DNAJC1: variants seen among roughly 807,000 people sequenced by gnomAD.
DNAJC1 encodes DnaJ heat shock protein family (Hsp40) member C1, also known as dnaJ homolog subfamily C member 1.
Under a neutral mutation model 76.6 loss-of-function variants are expected in DNAJC1, and 58 were observed. That is an observed-to-expected ratio of 0.76 (90% CI 0.61 to 0.94). The LOEUF is 0.94. DNAJC1 is among the 40% of genes least tolerant of loss of function. DNAJC1 has a pLI of 0.00. For synonymous variants in DNAJC1, 258 were observed against 267.9 expected, an observed-to-expected ratio of 0.96 and a Z score of 0.36; for missense variants, 689 against 677.3, an observed-to-expected ratio of 1.02 and a Z score of -0.19.
At chr10:21,765,959 C>T (rs1394506533) in intron 10 of DNAJC1, among the ~76,000 whole-genome samples, 1 of 152,212 alleles carries the variant, frequency 6.6e-6, no homozygotes, top group Non-Finnish European at 1.5e-5. Flanking sequence ...GTGCACATAG[C>T]ATTTGCGTGG....
chr10:21,943,418 G>C (rs1016986071), intron 1 of DNAJC1, among the ~76,000 whole-genome samples: 3 of 152,104 alleles, frequency 2.0e-5, no homozygotes, highest in African/African-American at 4.8e-5. Flanking sequence ...TTCTTATCTG[G>C]AAAATGGTCA....
chr10:21,806,324 C>T (rs1212401217), intron 8 of DNAJC1, among the ~76,000 whole-genome samples: 3 of 152,080 alleles, frequency 2.0e-5, no homozygotes, highest in South Asian at 2.1e-4. Context: ...TCATTTCCTA[C>T]GTATACTAAC....
At chr10:21,819,171 A>C (rs752440781) in intron 8 of DNAJC1, among the ~76,000 whole-genome samples, 3 of 152,190 alleles carry the variant, frequency 2.0e-5, no homozygotes, top group Non-Finnish European at 2.9e-5. Flanking sequence ...TGGGAGGCCA[A>C]GGCAGGTGAT....
intron 8 of DNAJC1, among the ~76,000 whole-genome samples, chr10:21,820,734 G>T (rs560122610): frequency 3.9e-5 from 6 of 152,224 alleles, no homozygotes; most frequent in South Asian, 2.1e-4. Flanking sequence ...TCAAGTTGGG[G>T]TTCCCATGAC....
In DNAJC1 at chr10:21,902,496, G is replaced by A. The variant is rs147367667; in HGVS notation, c.820+2026C>T. On this transcript the variant is annotated intron_variant, in intron 7 of 11. Coordinates refer to ENST00000376980, the MANE Select transcript of DNAJC1 (RefSeq NM_022365.4). ...ATTTTTGTATTTTTAATAGAGATGGGGTTTCACCATGTTGTCCAGGTGGGT... is the reference window on the plus strand; with the variant it reads ...ATTTTTGTATTTTTAATAGAGATGGAGTTTCACCATGTTGTCCAGGTGGGT... Among the ~76,000 whole-genome samples, 859 of 152,054 alleles carry A rather than the reference G, an allele frequency of 5.6e-3. 6 individuals are homozygous for A. Among genetic ancestry groups the A allele is most frequent in the African/African-American group, 0.019 (800 of 41,458 alleles).
chr10:21,874,098 T>C (rs980249959), intron 8 of DNAJC1, among the ~76,000 whole-genome samples: 3 of 152,158 alleles, frequency 2.0e-5, no homozygotes, highest in African/African-American at 7.2e-5. Flanking sequence ...ATGTGACATA[T>C]TCATACAATA....
At chr10:21,849,321 T>TAAAAAAAAAAAAAA (rs1283566162) in intron 8 of DNAJC1, among the ~76,000 whole-genome samples, 3 of 63,350 alleles carry the variant, frequency 4.7e-5, no homozygotes, top group African/African-American at 1.3e-4. Flanking sequence ...AAAAAAAAAG[T>TAAAAAAAAAAAAAA]AAATGCCTAC....
At chr10:21,784,140 C>T (rs1834571854) in intron 9 of DNAJC1, among the ~76,000 whole-genome samples, 1 of 152,272 alleles carries the variant, frequency 6.6e-6, no homozygotes, top group East Asian at 1.9e-4. Flanking sequence ...AAAATTTTTG[C>T]AATCTACCCA....
At chr10:21,788,596 G>A (rs771027232) in intron 9 of DNAJC1, among the ~76,000 whole-genome samples, 120 of 152,170 alleles carry the variant, frequency 7.9e-4, no homozygotes, top group Non-Finnish European at 1.5e-3. Flanking sequence ...TGGCCCAAAC[G>A]ACAGCCATGT....
chr10:21,894,358 G>A (rs1487165119), intron 7 of DNAJC1, among the ~76,000 whole-genome samples: 1 of 152,120 alleles, frequency 6.6e-6, no homozygotes, highest in Non-Finnish European at 1.5e-5. Context: ...ATCACTTCAG[G>A]TCACGAGTTC....
At chr10:21,931,299 G>A (rs1045961918) in intron 1 of DNAJC1, among the ~76,000 whole-genome samples, 4 of 152,108 alleles carry the variant, frequency 2.6e-5, no homozygotes, top group Non-Finnish European at 5.9e-5. Context: ...CTCTTCTAAG[G>A]AACAGGGCTC....
intron 10 of DNAJC1, 123 bp downstream of exon 10, chr10:21,766,138 A>G: frequency 2.6e-6 from 2 of 762,810 alleles, no homozygotes; most frequent in Admixed American, 2.2e-5. Context: ...TGGAGATATG[A>G]CCAGATTTAG....
intron 3 of DNAJC1, 125 bp from the exon 4 acceptor site, chr10:21,921,088 G>T: frequency 1.2e-6 from 1 of 810,726 alleles, no homozygotes; most frequent in Non-Finnish European, 1.8e-6. Flanking sequence ...GTTTATGTAC[G>T]TTCCCAGCAT....
chr10:21,951,381 T>C (rs1837592591), intron 1 of DNAJC1, among the ~76,000 whole-genome samples: 1 of 151,200 alleles, frequency 6.6e-6, no homozygotes, highest in East Asian at 1.9e-4. Context: ...ACAATGCCAA[T>C]ATACTGGTTA....
chr10:21,974,725 T>A (rs1382613693), intron 1 of DNAJC1, among the ~76,000 whole-genome samples: 1 of 152,126 alleles, frequency 6.6e-6, no homozygotes, highest in East Asian at 1.9e-4. Flanking sequence ...AAGACAACAT[T>A]TATAAGGTTG....
chr10:21,769,678 TTTTTC>T lies in DNAJC1; in HGVS notation c.1099-3374_1099-3370del, dbSNP rs543220373. On this transcript the variant is annotated intron_variant, in intron 9 of 11. Coordinates refer to ENST00000376980, the MANE Select transcript of DNAJC1 (RefSeq NM_022365.4). Reference sequence around the variant, plus strand: ...CCAAACCAAAAACTAAACTCATCAGTTTTTCTTTTCTTTTCTTTTCTTTTGAGACA... The same window carrying T: ...CCAAACCAAAAACTAAACTCATCAGTTTTTCTTTTCTTTTCTTTTGAGACA... 8.1e-4 allele frequency among the ~76,000 whole-genome samples: 123 copies of T among 152,066 alleles called. 1 individual carries two copies. Among genetic ancestry groups the T allele is most frequent in the South Asian group, 1.2e-3 (6 of 4,812 alleles).
chr10:21,935,096 A>G (rs547395384), intron 1 of DNAJC1, among the ~76,000 whole-genome samples: 15 of 152,284 alleles, frequency 9.9e-5, no homozygotes, highest in African/African-American at 3.4e-4. Flanking sequence ...TAAAGCATGG[A>G]AAGAAACAGG....
chr10:21,786,176 G>A (rs1222638931), intron 9 of DNAJC1, among the ~76,000 whole-genome samples: 2 of 151,912 alleles, frequency 1.3e-5, no homozygotes, highest in Non-Finnish European at 2.9e-5. Context: ...GGACTATAGA[G>A]TTGTTGTTGG....
intron 8 of DNAJC1, among the ~76,000 whole-genome samples, chr10:21,823,379 G>A (rs1835191594): frequency 6.6e-6 from 1 of 152,118 alleles, no homozygotes; most frequent in Non-Finnish European, 1.5e-5. Context: ...ACCACAGCAT[G>A]ACACCATTGA....
Sources: allele counts gnomAD v4.1 joint callset (sites outside exome capture counted in the v4.1 genomes callset), GRCh38; gene constraint gnomAD v4.1.1; transcripts MANE v1.5; gene names NCBI Gene and HGNC (gene_info 2026-07-23, HGNC 2026-07-21).